The following RNF130 variants were observed in gnomAD, a reference collection of about 807,000 sequenced individuals.
RNF130 encodes the protein ring finger protein 130.
In RNF130, 21 loss-of-function variants were observed where a neutral mutation model predicts 44.6. That is an observed-to-expected ratio of 0.47 (90% CI 0.33 to 0.68). The LOEUF (loss-of-function observed/expected upper bound fraction) is 0.68. RNF130 is among the 30% of genes least tolerant of loss of function. RNF130 has a pLI of 0.02. For missense variants in RNF130, 479 were observed against 560.6 expected, an observed-to-expected ratio of 0.85 and a Z score of 1.47; for synonymous variants, 214 against 210.4, an observed-to-expected ratio of 1.02 and a Z score of -0.15.
chr5:180,055,192 G>A (rs1764778493), intron 1 of RNF130, among the ~76,000 whole-genome samples: 1 of 122,168 alleles, frequency 8.2e-6, no homozygotes, highest in Non-Finnish European at 1.6e-5. Context: ...AAATTAGCCA[G>A]GCCCTGAGAT....
intron 3 of RNF130, among the ~76,000 whole-genome samples, chr5:179,995,843 C>G (rs1763186841): frequency 6.6e-6 from 1 of 152,226 alleles, no homozygotes; most frequent in Non-Finnish European, 1.5e-5. Flanking sequence ...ATGTTCTGTT[C>G]AATTCCTGTA....
chr5:179,963,843 C>T (rs180810369), intron 7 of RNF130: 32 of 384,564 alleles, frequency 8.3e-5, no homozygotes, highest in East Asian at 5.5e-4. Context: ...AAAAAGTGTG[C>T]GGTGAAAATA....
At chr5:179,999,464 G>A (rs149430993) in intron 3 of RNF130, among the ~76,000 whole-genome samples, 3 of 152,064 alleles carry the variant, frequency 2.0e-5, no homozygotes, top group Admixed American at 2.0e-4. Flanking sequence ...GCTTACGCCT[G>A]TAATCCCAGC....
intron 7 of RNF130, among the ~76,000 whole-genome samples, chr5:179,930,270 C>T (rs553917815): frequency 8.5e-5 from 13 of 152,236 alleles, no homozygotes; most frequent in African/African-American, 3.1e-4. Context: ...GTTGGTCAGG[C>T]TGATCTCGAA....
chr5:179,984,910 T>G (rs1178152722), intron 3 of RNF130, among the ~76,000 whole-genome samples: 1 of 152,206 alleles, frequency 6.6e-6, no homozygotes, highest in African/African-American at 2.4e-5. Context: ...GGATTTGGTA[T>G]GCTCAAACGG....
intron 3 of RNF130, among the ~76,000 whole-genome samples, chr5:180,000,427 T>C (rs1226917765): frequency 6.6e-6 from 1 of 152,350 alleles, no homozygotes; most frequent in African/African-American, 2.4e-5. Flanking sequence ...CTGGATCTGT[T>C]GTCCATATAT....
intron 7 of RNF130, among the ~76,000 whole-genome samples, chr5:179,922,471 C>T (rs998567796): frequency 6.6e-6 from 1 of 151,928 alleles, no homozygotes; most frequent in Non-Finnish European, 1.5e-5. Flanking sequence ...GGCCACAATG[C>T]CCAGCTAATT....
intron 1 of RNF130, among the ~76,000 whole-genome samples, chr5:180,063,538 G>T (rs1208891168): frequency 1.3e-5 from 2 of 152,172 alleles, no homozygotes; most frequent in Non-Finnish European, 2.9e-5. Context: ...CTGAAGTAAA[G>T]ATACCAATAG....
intron 7 of RNF130, among the ~76,000 whole-genome samples, chr5:179,937,589 T>C (rs1761910400): frequency 6.6e-6 from 1 of 152,182 alleles, no homozygotes; most frequent in Non-Finnish European, 1.5e-5. Context: ...TCAGAACCCT[T>C]ATACATTGTT....
intron 3 of RNF130, among the ~76,000 whole-genome samples, chr5:180,004,139 T>C (rs1309621199): frequency 6.6e-6 from 1 of 152,126 alleles, no homozygotes; most frequent in Non-Finnish European, 1.5e-5. Context: ...TCTTGGAAAT[T>C]TGCAATTTTA....
At chr5:179,953,744 G>T (rs1762160514), downstream of RNF130, among the ~76,000 whole-genome samples, 1 of 151,942 alleles carries the variant, frequency 6.6e-6, no homozygotes, top group Non-Finnish European at 1.5e-5. Context: ...ATCAACCAAA[G>T]GAAAAATAAA....
intron 4 of RNF130, among the ~76,000 whole-genome samples, chr5:179,979,174 C>T (rs1311253780): frequency 6.6e-6 from 1 of 151,938 alleles, no homozygotes; most frequent in East Asian, 1.9e-4. Flanking sequence ...AAGAAGGCAT[C>T]TACACTGTCA....
intron 3 of RNF130, among the ~76,000 whole-genome samples, chr5:180,001,255 T>C (rs1162473806): frequency 6.6e-6 from 1 of 152,162 alleles, no homozygotes; most frequent in East Asian, 1.9e-4. Context: ...TTCCCCACAA[T>C]GAGGAGACTT....
At chr5:180,055,469 TGC>T (rs1223926012) in intron 1 of RNF130, among the ~76,000 whole-genome samples, 2 of 143,172 alleles carry the variant, frequency 1.4e-5, no homozygotes, top group Non-Finnish European at 3.1e-5. Context: ...TGTGTGTGTG[TGC>T]GCGCGCGCAC....
chr5:180,018,294 CA>C (rs59354197), intron 2 of RNF130, among the ~76,000 whole-genome samples: 98,544 of 126,944 alleles, frequency 0.78, 37,205 homozygotes, highest in South Asian at 0.91. Flanking sequence ...GACTCCATCT[CA>C]AAAAAAAAAA....
chr5:179,980,103 G>C, intron 4 of RNF130, 26 bp downstream of exon 4: 2 of 1,604,060 alleles, frequency 1.2e-6, no homozygotes, highest in Non-Finnish European at 1.7e-6. Context: ...TACTTTTACG[G>C]TGCTGAAGTT....
chr5:180,004,116 A>G (rs2113065697), intron 3 of RNF130, among the ~76,000 whole-genome samples: 1 of 152,314 alleles, frequency 6.6e-6, no homozygotes, highest in Non-Finnish European at 1.5e-5. Context: ...TGCTGAATTA[A>G]GGGGAGGAAC....
chr5:180,042,392 T>C (rs1371091783), intron 1 of RNF130, among the ~76,000 whole-genome samples: 1 of 152,212 alleles, frequency 6.6e-6, no homozygotes, highest in East Asian at 1.9e-4. Flanking sequence ...ACCCTTTTCC[T>C]TAAAAGGTTT....
chr5:179,965,367 T>C (rs1405149609), intron 7 of RNF130, among the ~76,000 whole-genome samples: 1 of 152,228 alleles, frequency 6.6e-6, no homozygotes, highest in Non-Finnish European at 1.5e-5. Flanking sequence ...TAGCTGTGGT[T>C]TAGTTCAATC....
Sources: allele counts gnomAD v4.1 joint callset (sites outside exome capture counted in the v4.1 genomes callset), GRCh38; gene constraint gnomAD v4.1.1; transcripts MANE v1.5; gene names NCBI Gene and HGNC (gene_info 2026-07-23, HGNC 2026-07-21).